UNC5D: variants seen among roughly 807,000 people sequenced by gnomAD.
UNC5D encodes the protein netrin receptor UNC5D.
A neutral mutation model predicts 105.4 loss-of-function variants in UNC5D; 39 were observed. That is an observed-to-expected ratio of 0.37 (90% confidence interval 0.29 to 0.48). The LOEUF (loss-of-function observed/expected upper bound fraction) is 0.48, where lower values mean the gene tolerates loss of function less well. Among genes scored for constraint, UNC5D ranks in the 20% least tolerant of loss-of-function variants. UNC5D has a pLI of 0.98. For missense variants in UNC5D, 991 were observed against 1,202.4 expected (o/e 0.82, Z 2.60); for synonymous variants, 452 against 450.4 (o/e 1.00, Z -0.04).
intron 10 of UNC5D, chr8:35,727,199 T>G (rs1301515033): frequency 6.6e-6 from 1 of 152,336 alleles, no homozygotes; most frequent in Non-Finnish European, 1.5e-5. Flanking sequence ...AATGATATCC[T>G]TTCTATGGAT....
chr8:35,737,300 G>GTGTGTGTGTT lies in UNC5D; in HGVS notation c.1766+6205_1766+6206insGTGTGTGTTT, dbSNP rs57002738. On this transcript the variant is annotated intron_variant, in intron 11 of 16. Transcript: ENST00000404895. Reference sequence around the variant, plus strand: ...TGTGTGTGTGTGTGTGTGTGTGTGTGTTAATGTGTGATGAAGGAATTGAAG... The same window carrying GTGTGTGTGTT: ...TGTGTGTGTGTGTGTGTGTGTGTGTGTGTGTGTGTTTTAATGTGTGATGAAGGAATTGAAG... 5.7e-3 allele frequency among the ~76,000 whole-genome samples: 747 copies of GTGTGTGTGTT among 130,136 alleles called. 9 individuals are homozygous for GTGTGTGTGTT. Among genetic ancestry groups the GTGTGTGTGTT allele is most frequent in the Middle Eastern group, 0.016 (4 of 256 alleles). 85.4% of individuals were successfully genotyped at this position (130,136 alleles called of 152,430 possible). A position where few individuals can be genotyped will look rare whatever the true frequency, so the allele number is the denominator to read the frequency against.
intron 1 of UNC5D, among the ~76,000 whole-genome samples, chr8:35,288,830 A>T (rs537767012): frequency 5.3e-5 from 8 of 152,198 alleles, no homozygotes; most frequent in Non-Finnish European, 1.0e-4. Context: ...TGACCACCAC[A>T]AAAGTAGAAA....
chr8:35,460,746 G>T (rs894854821), intron 1 of UNC5D, among the ~76,000 whole-genome samples: 4 of 152,116 alleles, frequency 2.6e-5, no homozygotes, highest in Admixed American at 6.6e-5. Context: ...TATCTGGCTG[G>T]TTTTTTTGTT....
At chr8:35,459,299 T>C (rs1046115504) in intron 1 of UNC5D, among the ~76,000 whole-genome samples, 1 of 152,174 alleles carries the variant, frequency 6.6e-6, no homozygotes, top group Non-Finnish European at 1.5e-5. Context: ...GGTGGAGAAT[T>C]TCAGGCAGCC....
Position 35,767,038 on chromosome 8 carries a change from T to A in UNC5D, c.2450T>A (p.Ile817Asn). The change falls in exon 15 of 17, where the codon ATC becomes AAC. Residue 817 changes from isoleucine to asparagine, a missense_variant. By Grantham distance (149) the Ile-to-Asn change is moderately radical. Coordinates refer to ENST00000404895, the MANE Select transcript of UNC5D (RefSeq NM_080872.4). The part of the protein sequence containing the change: ...CIRQLKGHEQ[I>N]LQVQTSILES... ...CGGCAGCTCAAAGGCCATGAACAGA[T>A]CCTCCAAGTGCAGACATCAATCCTA... 6.2e-7 allele frequency: 1 copy of A among 1,613,734 alleles called. No homozygotes were observed. Among genetic ancestry groups the A allele is most frequent in the Non-Finnish European group, 8.5e-7 (1 of 1,179,806 alleles).
chr8:35,464,346 T>TA (rs1173239270), intron 1 of UNC5D, among the ~76,000 whole-genome samples: 8 of 152,030 alleles, frequency 5.3e-5, no homozygotes, highest in African/African-American at 7.2e-5. Context: ...ATAATAATAA[T>TA]AAAAAAGAAA....
intron 14 of UNC5D, among the ~76,000 whole-genome samples, chr8:35,761,839 T>C (rs1160756068): frequency 6.6e-6 from 1 of 152,198 alleles, no homozygotes; most frequent in Non-Finnish European, 1.5e-5. Context: ...GCATTAGATG[T>C]AAGCACTTAG....
intron 1 of UNC5D, among the ~76,000 whole-genome samples, chr8:35,387,341 C>A (rs1585724719): frequency 7.6e-6 from 1 of 131,920 alleles, no homozygotes. Flanking sequence ...CCAGCCTGGG[C>A]GACACAGCGA....
chr8:35,471,743 C>A (rs190299489), intron 1 of UNC5D, among the ~76,000 whole-genome samples: 1 of 152,014 alleles, frequency 6.6e-6, no homozygotes, highest in Non-Finnish European at 1.5e-5. Context: ...TCTTTGTTTC[C>A]TTTAATGAAT....
intron 7 of UNC5D, among the ~76,000 whole-genome samples, chr8:35,703,694 G>A (rs1827357303): frequency 1.3e-5 from 2 of 152,174 alleles, no homozygotes; most frequent in African/African-American, 4.8e-5. Context: ...TTTTAATGGA[G>A]TTTCATTCTG....
rs572668226 is a variant in UNC5D at position 35,598,913 on chromosome 8, C to T, written c.570+3256C>T. Among the ~76,000 whole-genome samples the T allele has an allele frequency of 5.9e-5, 9 of 152,044 alleles. No individual in the cohort carries two copies. The East Asian group carries it at 9.7e-4, about 16-fold the overall frequency. On this transcript the variant is annotated intron_variant, in intron 4 of 16. Transcript: ENST00000404895. ...ATCCCAGCACTTTGGGAGGCCAAGG[C>T]GGGTGGATCGCCTGAGGTCAGGAGT...
At position 35,457,894 on chromosome 8, in the gene UNC5D, G is replaced by A. The variant is rs374606379; in HGVS notation, c.104-91398G>A. On this transcript the variant is annotated intron_variant, in intron 1 of 16. Coordinates refer to ENST00000404895, the MANE Select transcript of UNC5D (RefSeq NM_080872.4). ...AAGAGCTTATTAAAATAGCACAGTG[G>A]TCTTGGAATTTCTACACAATCCCAA... is the stretch of plus-strand genomic sequence containing the variant. 1.1e-3 allele frequency among the ~76,000 whole-genome samples: 175 copies of A among 152,216 alleles called. 2 individuals carry two copies. Among genetic ancestry groups the A allele is most frequent in the African/African-American group, 4.1e-3 (170 of 41,554 alleles).
chr8:35,552,476 G>A (rs912298245), intron 2 of UNC5D, among the ~76,000 whole-genome samples: 5 of 152,210 alleles, frequency 3.3e-5, no homozygotes, highest in Admixed American at 6.5e-5. Context: ...TAGGGTTTCA[G>A]TCACCCATGT....
In UNC5D at chr8:35,525,472, TCTC is replaced by T. The variant is rs1426657623; in HGVS notation, c.104-23814_104-23812del. ...CTGATTGCATAGGCCTGGCTCAGCT[TCTC>T]CTCCTTCTCTGTCCGTGCTTTGCTG... On this transcript the variant is annotated intron_variant, in intron 1 of 16. Transcript: ENST00000404895. The T allele has an allele frequency of 8.7e-6, 14 of 1,612,180 alleles. No individual in the cohort carries two copies. The East Asian group carries it at 1.1e-4, about 13-fold the overall frequency.
chr8:35,451,777 A>G (rs1808167043), intron 1 of UNC5D, among the ~76,000 whole-genome samples: 1 of 152,048 alleles, frequency 6.6e-6, no homozygotes, highest in African/African-American at 2.4e-5. Context: ...TTATCATGTC[A>G]TGGTTATGTG....
intron 9 of UNC5D, among the ~76,000 whole-genome samples, chr8:35,723,469 A>G (rs1828690289): frequency 6.6e-6 from 1 of 152,204 alleles, no homozygotes; most frequent in Non-Finnish European, 1.5e-5. Flanking sequence ...CAGTGGTGCA[A>G]TCATAGCTCA....
intron 4 of UNC5D, among the ~76,000 whole-genome samples, chr8:35,673,901 C>G (rs775378663): frequency 6.6e-6 from 1 of 152,164 alleles, no homozygotes; most frequent in Non-Finnish European, 1.5e-5. Flanking sequence ...TTCATGGGTA[C>G]GTGCTGCACC....
At chr8:35,251,154 T>A (rs187113877) in intron 1 of UNC5D, among the ~76,000 whole-genome samples, 46 of 152,312 alleles carry the variant, frequency 3.0e-4, no homozygotes, top group African/African-American at 1.1e-3. Flanking sequence ...TCTGTTCTCA[T>A]GTTGCTATAA....
chr8:35,274,063 A>C (rs1805603970), intron 1 of UNC5D, among the ~76,000 whole-genome samples: 1 of 152,052 alleles, frequency 6.6e-6, no homozygotes, highest in Admixed American at 6.6e-5. Context: ...ACTGAGCATA[A>C]TTATGGTCTG....
Sources: gnomAD v4.1 joint callset for allele counts (sites outside exome capture counted in the v4.1 genomes callset) on GRCh38, gnomAD v4.1.1 for gene constraint, MANE v1.5 for transcripts, NCBI Gene and HGNC (gene_info 2026-07-23, HGNC 2026-07-21) for gene names.